Variants in CAMK4 observed in about 807,000 individuals in gnomAD.
CAMK4 encodes calcium/calmodulin-dependent protein kinase type IV.
CAMK4 carries 22 observed loss-of-function variants against 44.9 expected under a neutral mutation model. The ratio of observed to expected loss-of-function variants is 0.49; its 90% CI spans 0.35 to 0.70. The LOEUF is 0.70. CAMK4 is among the 30% of genes least tolerant of loss of function. The pLI is 0.01. For missense variants in CAMK4, 498 were observed against 586.8 expected (o/e 0.85, Z 1.56); for synonymous variants, 218 against 215.4 (o/e 1.01, Z -0.11).
rs1755894893 is a variant in CAMK4 at position 111,492,696 on chromosome 5, A to C, written c.*8230A>C. 1 of 152,244 alleles carries C rather than the reference A, an allele frequency of 6.6e-6. No homozygotes were observed. The allele number at this position is 152,244 out of a possible 1,614,324, so 9.4% of individuals were successfully genotyped here. ...CCCAGGAGCAGCCCCCTCCAGGAACAATTTTCCCTGTGAACTTTCACTGAG... is the reference window on the plus strand; with the variant it reads ...CCCAGGAGCAGCCCCCTCCAGGAACCATTTTCCCTGTGAACTTTCACTGAG... On this transcript the variant is annotated 3_prime_UTR_variant, in exon 11 of 11. Coordinates refer to ENST00000282356, the MANE Select transcript of CAMK4 (RefSeq NM_001744.6).
chr5:111,276,332 T>C (rs945756072), intron 1 of CAMK4, among the ~76,000 whole-genome samples: 13 of 152,176 alleles, frequency 8.5e-5, no homozygotes, highest in African/African-American at 3.1e-4. Context: ...ACTCCTCTAA[T>C]TGGCAGTGTA....
chr5:111,466,862 A>G (rs540192682), intron 7 of CAMK4, among the ~76,000 whole-genome samples: 21 of 152,196 alleles, frequency 1.4e-4, no homozygotes, highest in Non-Finnish European at 2.6e-4. Context: ...TTCATATGGA[A>G]CCACAAAAGA....
chr5:111,450,488 A>G lies in CAMK4; in HGVS notation c.625+1285A>G, dbSNP rs555809877. Among the ~76,000 whole-genome samples the G allele has an allele frequency of 2.7e-5, 4 of 150,290 alleles. 1 individual carries two copies. In the South Asian group the frequency reaches 6.3e-4, roughly 24 times the overall value. ...CACCCACACTGGGGGCTCACAATCT[A>G]CAAGAAAACAGACATGTGGCCAGAT... On this transcript the variant is annotated intron_variant, in intron 7 of 10. Transcript: ENST00000282356.
chr5:111,385,556 T>C (rs1751568671), intron 4 of CAMK4, among the ~76,000 whole-genome samples: 2 of 151,952 alleles, frequency 1.3e-5, no homozygotes, highest in Non-Finnish European at 2.9e-5. Context: ...CTGAGCAATA[T>C]ATATATATGT....
At chr5:111,338,721 C>G (rs1470968428) in intron 1 of CAMK4, among the ~76,000 whole-genome samples, 1 of 151,352 alleles carries the variant, frequency 6.6e-6, no homozygotes, top group African/African-American at 2.4e-5. Flanking sequence ...ATAGGGAGAA[C>G]TTTTCCCATT....
chr5:111,240,694 G>GT (rs1748950229), intron 1 of CAMK4, among the ~76,000 whole-genome samples: 1 of 152,158 alleles, frequency 6.6e-6, no homozygotes, highest in Non-Finnish European at 1.5e-5. Flanking sequence ...TTAGGTAAGG[G>GT]TCATTCATTC....
At chr5:111,443,405 C>G (rs1404852365) in intron 5 of CAMK4, among the ~76,000 whole-genome samples, 1 of 145,658 alleles carries the variant, frequency 6.9e-6, no homozygotes, top group Non-Finnish European at 1.5e-5. Flanking sequence ...CTTTCTACAC[C>G]AAGTAATGTT....
intron 7 of CAMK4, among the ~76,000 whole-genome samples, chr5:111,470,025 G>A (rs1244974628): frequency 6.6e-6 from 1 of 152,240 alleles, no homozygotes; most frequent in Non-Finnish European, 1.5e-5. Context: ...GACCTGCATG[G>A]AGAAGGACTA....
intron 1 of CAMK4, among the ~76,000 whole-genome samples, chr5:111,227,184 A>G (rs897767218): frequency 6.6e-6 from 1 of 152,186 alleles, no homozygotes; most frequent in Non-Finnish European, 1.5e-5. Context: ...ATCAACTACT[A>G]TTCTAGATAT....
chr5:111,401,613 C>T (rs1752230612), intron 5 of CAMK4, among the ~76,000 whole-genome samples: 1 of 152,096 alleles, frequency 6.6e-6, no homozygotes, highest in African/African-American at 2.4e-5. Context: ...AAAAAATTAA[C>T]CTGTAACTCA....
intron 9 of CAMK4, among the ~76,000 whole-genome samples, chr5:111,481,684 C>T (rs577157558): frequency 2.6e-4 from 40 of 152,198 alleles, no homozygotes; most frequent in Non-Finnish European, 5.1e-4. Flanking sequence ...GCTGTAGTGG[C>T]CACAAGATGC....
chr5:111,389,407 G>A (rs1580688815), intron 4 of CAMK4, among the ~76,000 whole-genome samples: 1 of 152,278 alleles, frequency 6.6e-6, no homozygotes, highest in East Asian at 1.9e-4. Context: ...TGAAAATACA[G>A]AAGATATTTA....
At position 111,354,248 on chromosome 5, in the gene CAMK4, C is replaced by CA. The variant is rs34090482; in HGVS notation, c.240+10147dup. On this transcript the variant is annotated intron_variant, in intron 2 of 10. Transcript: ENST00000282356. ...CATGTGTAATTTAAAAAGTTGAACT[C>CA]AGAGAGAGTAGAAGGATGATTATCA... 5.7e-3 allele frequency among the ~76,000 whole-genome samples: 874 copies of CA among 152,054 alleles called. 4 individuals are homozygous for CA. Among genetic ancestry groups the CA allele is most frequent in the Middle Eastern group, 0.02 (6 of 294 alleles).
intron 4 of CAMK4, among the ~76,000 whole-genome samples, chr5:111,382,335 G>A (rs2112838154): frequency 6.6e-6 from 1 of 152,230 alleles, no homozygotes; most frequent in East Asian, 1.9e-4. Flanking sequence ...ATTGCTATTA[G>A]AAAAAGGTTT....
In CAMK4 at chr5:111,420,254, G is replaced by A. The variant is rs1162986964; in HGVS notation, c.459+25472G>A. 2.0e-5 allele frequency among the ~76,000 whole-genome samples: 3 copies of A among 152,272 alleles called. 1 individual carries two copies. The highest frequency in any genetic ancestry group is 1.5e-5 in the Non-Finnish European group (1 of 68,024). Reference sequence around the variant, plus strand: ...ATTTGGCTCTCTGTCTGTTATTGGTGTATAAGAATGCTGGTGATTTTTGTA... The same window carrying A: ...ATTTGGCTCTCTGTCTGTTATTGGTATATAAGAATGCTGGTGATTTTTGTA... On this transcript the variant is annotated intron_variant, in intron 5 of 10. Coordinates refer to ENST00000282356, the MANE Select transcript of CAMK4 (RefSeq NM_001744.6).
At chr5:111,227,702 A>T (rs1292328442) in intron 1 of CAMK4, among the ~76,000 whole-genome samples, 1 of 152,234 alleles carries the variant, frequency 6.6e-6, no homozygotes. Flanking sequence ...ACCAAGACAG[A>T]TGTGCTCACT....
chr5:111,268,626 A>G (rs777914768), intron 1 of CAMK4, among the ~76,000 whole-genome samples: 1 of 152,222 alleles, frequency 6.6e-6, no homozygotes, highest in Non-Finnish European at 1.5e-5. Flanking sequence ...ACTCAAGTCT[A>G]ACTCTGGAAA....
At chr5:111,480,782 C>T (rs945665106) in intron 9 of CAMK4, among the ~76,000 whole-genome samples, 5 of 152,126 alleles carry the variant, frequency 3.3e-5, no homozygotes, top group Admixed American at 6.6e-5. Flanking sequence ...TATCAACTAA[C>T]TTAATAATAG....
intron 2 of CAMK4, among the ~76,000 whole-genome samples, chr5:111,355,867 G>A (rs1488549452): frequency 1.1e-4 from 15 of 136,592 alleles, no homozygotes; most frequent in Non-Finnish European, 2.2e-4. Flanking sequence ...ATTCCATGGT[G>A]TATATGTGCC....
Sources: gnomAD v4.1 joint callset for allele counts (sites outside exome capture counted in the v4.1 genomes callset) on GRCh38, gnomAD v4.1.1 for gene constraint, MANE v1.5 for transcripts, NCBI Gene and HGNC (gene_info 2026-07-23, HGNC 2026-07-21) for gene names.